ZNF496: variants seen among roughly 807,000 people sequenced by gnomAD.
The protein encoded by ZNF496 is NSD1 (nuclear receptor binding SET-domain containing 1)-interacting zinc finger protein 1.
ZNF496 carries 11 observed loss-of-function variants against 58.9 expected under a neutral mutation model. The observed-to-expected ratio is 0.19, with a 90% CI of 0.12 to 0.31. The LOEUF (loss-of-function observed/expected upper bound fraction) is 0.31, where lower values mean the gene tolerates loss of function less well. ZNF496 is among the 10% of genes least tolerant of loss of function. The pLI, the probability that ZNF496 is intolerant of heterozygous loss-of-function variation, is 1.00. For missense variants in ZNF496, 660 were observed against 783.0 expected, an observed-to-expected ratio of 0.84 and a Z score of 1.88; for synonymous variants, 338 against 318.2, an observed-to-expected ratio of 1.06 and a Z score of -0.66.
chr1:247,327,216 C>T (rs998766116), intron 5 of ZNF496, among the ~76,000 whole-genome samples: 1 of 152,226 alleles, frequency 6.6e-6, no homozygotes. Context: ...AGGCACCCAC[C>T]ACCACACACA....
chr1:247,322,214 T>C (rs939518357), intron 6 of ZNF496, among the ~76,000 whole-genome samples: 9 of 152,066 alleles, frequency 5.9e-5, no homozygotes, highest in African/African-American at 2.2e-4. Flanking sequence ...GCTCAGGAGT[T>C]TGAGGCTGCA....
intron 6 of ZNF496, among the ~76,000 whole-genome samples, chr1:247,314,963 C>A (rs1323473776): frequency 6.6e-6 from 1 of 151,470 alleles, no homozygotes; most frequent in East Asian, 1.9e-4. Flanking sequence ...TGTTGCCAGG[C>A]CGGTCTTGAG....
intron 5 of ZNF496, among the ~76,000 whole-genome samples, chr1:247,324,410 T>C (rs554333317): frequency 7.2e-5 from 11 of 152,308 alleles, no homozygotes; most frequent in Admixed American, 1.3e-4. Context: ...ATGGTGACTA[T>C]AGGCAGTAAC....
At position 247,299,746 on chromosome 1, in the gene ZNF496, G is replaced by A. The variant is rs1558434143; in HGVS notation, c.*773C>T. 6.6e-6 allele frequency: 1 copy of A among 152,230 alleles called. No homozygotes were observed. The highest frequency in any genetic ancestry group is 6.5e-5 in the Admixed American group (1 of 15,290). 9.4% of individuals were successfully genotyped at this position (152,230 alleles called of 1,614,324 possible). On this transcript the variant is annotated 3_prime_UTR_variant, in exon 10 of 10. Coordinates refer to ENST00000682384, the MANE Select transcript of ZNF496 (RefSeq NM_032752.3). ...TCTTTGGGGTATAAAGACATTATGG[G>A]GTAGGTGTGCAACACAAATTAAAAT...
chr1:247,325,916 T>C lies in ZNF496; in HGVS notation c.575-2686A>G, dbSNP rs569847643. On this transcript the variant is annotated intron_variant, in intron 5 of 9. Coordinates refer to ENST00000682384, the MANE Select transcript of ZNF496 (RefSeq NM_032752.3). ...CTAACTGGGTAACCTGGCTAACTCC[T>C]TCCCATCCCTAGCCCTCCCTTCTCC... 2.6e-5 allele frequency among the ~76,000 whole-genome samples: 4 copies of C among 152,116 alleles called. No individual in the cohort carries two copies. The South Asian group carries it at 8.3e-4, about 32-fold the overall frequency.
At position 247,309,448 on chromosome 1, in the gene ZNF496, A is replaced by T; in HGVS notation, c.892+251T>A. On this transcript the variant is annotated intron_variant, in intron 8 of 9. Coordinates refer to ENST00000682384, the MANE Select transcript of ZNF496 (RefSeq NM_032752.3). The surrounding 1 kb of genome is among the most constrained non-coding windows in gnomAD (Gnocchi z 4.3). ...ACCAGATGTTACTTACAGGCAGAGGAGAAAGACATTCCTATTATTTCCCAG... is the reference window on the plus strand; with the variant it reads ...ACCAGATGTTACTTACAGGCAGAGGTGAAAGACATTCCTATTATTTCCCAG... 7.4e-7 allele frequency: 1 copy of T among 1,347,346 alleles called. No individual in the cohort carries two copies. The highest frequency in any genetic ancestry group is 1.5e-5 in the African/African-American group (1 of 67,918). 83.5% of individuals were successfully genotyped at this position (1,347,346 alleles called of 1,614,324 possible). A position where few individuals can be genotyped will look rare whatever the true frequency, so the allele number is the denominator to read the frequency against.
At chr1:247,316,135 GGTGTGTGTGTGTGTGTGT>G (rs148003455) in intron 6 of ZNF496, among the ~76,000 whole-genome samples, 5 of 139,830 alleles carry the variant, frequency 3.6e-5, no homozygotes, top group Non-Finnish European at 6.1e-5. Flanking sequence ...CTGGGAGAGG[GGTGTGTGTGTGTGTGTGT>G]GTGTGTGTGT....
chr1:247,309,987 C>A lies in ZNF496; in HGVS notation c.785-181G>T. ...GTGGGGGCAGCACACGCAGGGAGAG[C>A]TATGGGCTTGGGGGTCTCTCTGAGG... On this transcript the variant is annotated intron_variant, in intron 7 of 9. Transcript: ENST00000682384. This position sits in a 1 kb window ranked among gnomAD's most constrained non-coding sequence, Gnocchi z 4.3. 1 of 1,360,058 alleles carries A rather than the reference C, an allele frequency of 7.4e-7. No homozygotes were observed. The highest frequency in any genetic ancestry group is 9.7e-7 in the Non-Finnish European group (1 of 1,030,092). The allele number at this position is 1,360,058 out of a possible 1,614,324, so 84.2% of individuals were successfully genotyped here.
At position 247,299,039 on chromosome 1, in the gene ZNF496, T is replaced by C. The variant is rs1289245612; in HGVS notation, c.*1480A>G. ...GGTCTGAACCCTGCCTTTGATGGAA[T>C]TGTGAGCAAGCTCACTCAAGTTTGT... On this transcript the variant is annotated 3_prime_UTR_variant, in exon 10 of 10. Transcript: ENST00000682384. 5.3e-5 allele frequency: 8 copies of C among 152,268 alleles called. No individual in the cohort carries two copies. 9.4% of individuals were successfully genotyped at this position (152,268 alleles called of 1,614,324 possible).
chr1:247,312,453 G>C (rs1659630687), intron 6 of ZNF496: 1 of 152,062 alleles, frequency 6.6e-6, no homozygotes, highest in Non-Finnish European at 1.5e-5. Flanking sequence ...AGCCTCACTA[G>C]AAATCACCCG....
chr1:247,320,024 G>A (rs1182552989), intron 6 of ZNF496, among the ~76,000 whole-genome samples: 1 of 152,140 alleles, frequency 6.6e-6, no homozygotes, highest in Non-Finnish European at 1.5e-5. Flanking sequence ...AATATATTAT[G>A]CAATTATTAA....
rs1461374951 is a variant in ZNF496, at chr1:247,308,314, GCACA to G, written c.1006+157_1006+160del. Among the ~76,000 whole-genome samples the G allele has an allele frequency of 2.6e-5, 4 of 152,078 alleles. No individual in the cohort carries two copies. The highest frequency in any genetic ancestry group is 1.5e-5 in the Non-Finnish European group (1 of 68,018). On this transcript the variant is annotated intron_variant, in intron 9 of 9. Transcript: ENST00000682384. The surrounding 1 kb of genome is among the most constrained non-coding windows in gnomAD (Gnocchi z 4.5). ...CCAACACACAGGTGCACCCATGAAT[GCACA>G]CACTCACACATGCAGCACACCACAT...
chr1:247,305,382 A>C (rs1323148268), intron 9 of ZNF496, among the ~76,000 whole-genome samples: 1 of 152,250 alleles, frequency 6.6e-6, no homozygotes. Flanking sequence ...CTGTTTTCCA[A>C]ATAAAAAATG....
intron 2 of ZNF496, 129 bp downstream of exon 2, chr1:247,331,303 G>A (rs559375714): frequency 2.6e-5 from 4 of 152,608 alleles, no homozygotes; most frequent in African/African-American, 7.2e-5. Flanking sequence ...CGCGGAGGAG[G>A]GACCGAGCTG....
intron 9 of ZNF496, chr1:247,307,791 G>A: frequency 1.0e-6 from 1 of 985,442 alleles, no homozygotes; most frequent in Non-Finnish European, 1.2e-6. Context: ...CGTGGGTTCA[G>A]GTAAGAATCA....
In ZNF496 at chr1:247,308,138, G is replaced by A. The variant is rs1053957835; in HGVS notation, c.1006+337C>T. ...GGCAAGGAGGGTGAGCCTGGGATTG[G>A]GAGTGAGCTGGAGAATGACCCCAGC... is the stretch of plus-strand genomic sequence containing the variant. On this transcript the variant is annotated intron_variant, in intron 9 of 9. Transcript: ENST00000682384. This position sits in a 1 kb window ranked among gnomAD's most constrained non-coding sequence, Gnocchi z 4.5. 2.1e-6 allele frequency: 1 copy of A among 479,232 alleles called. No individual in the cohort carries two copies. The highest frequency in any genetic ancestry group is 2.7e-6 in the Non-Finnish European group (1 of 367,482). The allele number at this position is 479,232 out of a possible 1,614,324, so 29.7% of individuals were successfully genotyped here. A position where few individuals can be genotyped will look rare whatever the true frequency, so the allele number is the denominator to read the frequency against.
Position 247,323,324 on chromosome 1 carries a change from T to C in ZNF496, c.575-94A>G. 16 of 878,268 alleles carry C rather than the reference T, an allele frequency of 1.8e-5. No homozygotes were observed. In the South Asian group the frequency reaches 2.6e-4, roughly 14 times the overall value. The allele number at this position is 878,268 out of a possible 1,614,324, so 54.4% of individuals were successfully genotyped here. ...CTTCCTGCGGCTCTTCATTTCCATTTTGGTAGCAAAGAAAATCACAAGAGA... is the reference window on the plus strand; with the variant it reads ...CTTCCTGCGGCTCTTCATTTCCATTCTGGTAGCAAAGAAAATCACAAGAGA... On this transcript the variant is annotated intron_variant, in intron 5 of 9. Transcript: ENST00000682384.
intron 7 of ZNF496, chr1:247,310,049 G>A (rs928496376): frequency 2.8e-6 from 4 of 1,427,580 alleles, no homozygotes; most frequent in South Asian, 3.1e-5. Context: ...GGACAAAACG[G>A]TAAGAACGAT....
Position 247,301,074 on chromosome 1 carries a change from C to G in ZNF496, c.1209G>C (p.Lys403Asn). The part of the protein sequence containing the change: ...TEAGGEVQTS[K>N]KSYVCPNCGK... The stretch of plus-strand genomic sequence containing the variant: ...CACAGTTCGGACACACGTAGGACTT[C>G]TTGGAGGTCTGCACCTCGCCTCCGG... The change falls in exon 10 of 10, where the codon AAG becomes AAC. Residue 403 changes from lysine (K) to asparagine (N), a missense_variant. Transcript: ENST00000682384. 18 of 1,613,796 alleles carry G rather than the reference C, an allele frequency of 1.1e-5. No homozygotes were observed. Among genetic ancestry groups the G allele is most frequent in the Non-Finnish European group, 1.5e-5 (18 of 1,180,050 alleles).
Sources: allele counts gnomAD v4.1 joint callset (sites outside exome capture counted in the v4.1 genomes callset), GRCh38; gene constraint gnomAD v4.1.1; non-coding constraint Gnocchi (gnomAD v3.1); transcripts MANE v1.5; gene names NCBI Gene and HGNC (gene_info 2026-07-23, HGNC 2026-07-21).